The following AOAH variants were observed in gnomAD, a reference collection of about 807,000 sequenced individuals.
AOAH encodes acyloxyacyl hydrolase.
Under a neutral mutation model 92.2 loss-of-function variants are expected in AOAH, and 64 were observed. The ratio of observed to expected loss-of-function variants is 0.69; its 90% CI spans 0.57 to 0.86. The LOEUF (loss-of-function observed/expected upper bound fraction) is 0.86. Among genes scored for constraint, AOAH ranks in the 40% least tolerant of loss-of-function variants. AOAH has a pLI of 0.00. For synonymous variants in AOAH, 263 were observed against 254.5 expected (o/e 1.03, Z -0.32); for missense variants, 656 against 694.6 (o/e 0.94, Z 0.62).
chr7:36,642,934 G>A (rs1174723847), intron 4 of AOAH, among the ~76,000 whole-genome samples: 1 of 152,200 alleles, frequency 6.6e-6, no homozygotes, highest in Non-Finnish European at 1.5e-5. Context: ...TAAGCACTCT[G>A]AGCCTAGTTT....
intron 12 of AOAH, among the ~76,000 whole-genome samples, chr7:36,590,667 A>G (rs534311242): frequency 4.6e-4 from 70 of 152,336 alleles, no homozygotes; most frequent in Non-Finnish European, 4.8e-4. Context: ...CAGAAGGCTG[A>G]TCATGATGGT....
At chr7:36,575,773 C>G (rs958701830) in intron 13 of AOAH, among the ~76,000 whole-genome samples, 1 of 152,162 alleles carries the variant, frequency 6.6e-6, no homozygotes, top group Admixed American at 6.5e-5. Context: ...TTAGTTTAAA[C>G]GCTTGTTGCT....
intron 13 of AOAH, among the ~76,000 whole-genome samples, chr7:36,572,592 T>C (rs1380433290): frequency 1.3e-5 from 2 of 151,304 alleles, no homozygotes; most frequent in Non-Finnish European, 3.0e-5. Flanking sequence ...GAGTAAATAA[T>C]AATACAGTTG....
chr7:36,602,489 A>G (rs1790687815), intron 11 of AOAH, among the ~76,000 whole-genome samples: 2 of 146,432 alleles, frequency 1.4e-5, no homozygotes, highest in South Asian at 4.3e-4. Context: ...TTTTTTTTAG[A>G]TACATAAAAG....
intron 20 of AOAH, among the ~76,000 whole-genome samples, chr7:36,517,944 CCCACACACACACACA>C (rs1783900851): frequency 6.2e-5 from 2 of 32,154 alleles, no homozygotes; most frequent in East Asian, 1.1e-3. Context: ...CACACACACA[CCCACACACACACACA>C]CACACACACA....
intron 4 of AOAH, among the ~76,000 whole-genome samples, chr7:36,642,041 G>A (rs1048986355): frequency 1.3e-5 from 2 of 152,064 alleles, no homozygotes; most frequent in African/African-American, 4.8e-5. Context: ...CTGCTATTAT[G>A]GGTTGAATTT....
intron 12 of AOAH, among the ~76,000 whole-genome samples, chr7:36,577,841 T>C (rs1788632245): frequency 6.6e-6 from 1 of 152,230 alleles, no homozygotes; most frequent in Admixed American, 6.5e-5. Context: ...GTATTGTATC[T>C]TCTTTTCATT....
intron 3 of AOAH, among the ~76,000 whole-genome samples, chr7:36,662,039 C>A (rs1795244278): frequency 6.6e-6 from 1 of 152,196 alleles, no homozygotes; most frequent in South Asian, 2.1e-4. Context: ...TATCTTGTGA[C>A]CGCTACACCT....
chr7:36,686,784 C>A lies in AOAH; in HGVS notation c.138G>T (p.Leu46=). The part of the protein sequence containing the change: ...SNGHTCVGCV[L]VVSVIEQLAQ... ...CAAGCTGTTCTATTACAGACACCAC[C>A]AGCACACACCCTGCCAGGGAGGAGA... Residue 46 remains leucine, a synonymous_variant, in exon 2 of 21, where the codon CTG becomes CTT. Transcript: ENST00000617537. 1 of 1,559,636 alleles carries A rather than the reference C, an allele frequency of 6.4e-7. No homozygotes were observed. The highest frequency in any genetic ancestry group is 8.7e-7 in the Non-Finnish European group (1 of 1,151,918).
At position 36,514,642 on chromosome 7, in the gene AOAH, T is replaced by C; in HGVS notation, c.1600-1262A>G. The stretch of plus-strand genomic sequence containing the variant: ...ATGGGACCTGGCCAGGCCTGCAGAC[T>C]CCAGATGGCTCCATCTCAACAGTGG... On this transcript the variant is annotated intron_variant, in intron 20 of 20. Transcript: ENST00000617537. 3.2e-6 allele frequency: 4 copies of C among 1,248,470 alleles called. No individual in the cohort carries two copies. In the South Asian group the frequency reaches 5.1e-5, roughly 16 times the overall value. The allele number at this position is 1,248,470 out of a possible 1,614,324, so 77.3% of individuals were successfully genotyped here. A position where few individuals can be genotyped will look rare whatever the true frequency, so the allele number is the denominator to read the frequency against.
intron 13 of AOAH, among the ~76,000 whole-genome samples, chr7:36,574,320 A>C (rs1283538099): frequency 6.6e-6 from 1 of 152,234 alleles, no homozygotes; most frequent in Non-Finnish European, 1.5e-5. Flanking sequence ...GCCTTCGAGC[A>C]CATTTTGACA....
chr7:36,689,352 T>C (rs1340480783), intron 1 of AOAH, among the ~76,000 whole-genome samples: 1 of 152,190 alleles, frequency 6.6e-6, no homozygotes, highest in Non-Finnish European at 1.5e-5. Flanking sequence ...GACTGTGTAA[T>C]TTCTAATAAT....
chr7:36,529,641 G>A (rs781330875), intron 19 of AOAH, among the ~76,000 whole-genome samples: 6 of 152,114 alleles, frequency 3.9e-5, no homozygotes, highest in African/African-American at 7.2e-5. Context: ...TCCATCTTTC[G>A]CCTACACTGT....
At chr7:36,625,935 T>A (rs1223089460) in intron 6 of AOAH, among the ~76,000 whole-genome samples, 1 of 152,222 alleles carries the variant, frequency 6.6e-6, no homozygotes, top group Admixed American at 6.5e-5. Flanking sequence ...TGGTTTTCTC[T>A]CACTTTAATC....
intron 13 of AOAH, among the ~76,000 whole-genome samples, chr7:36,549,779 G>GA (rs1286275527): frequency 6.6e-6 from 1 of 151,868 alleles, no homozygotes; most frequent in Non-Finnish European, 1.5e-5. Flanking sequence ...GTAGATGTGA[G>GA]AAAAAAAGTA....
intron 1 of AOAH, among the ~76,000 whole-genome samples, chr7:36,709,936 T>C (rs7801689): frequency 0.92 from 139,481 of 152,270 alleles, 64,084 homozygotes; most frequent in East Asian, 1. Context: ...TATTGATTTC[T>C]ATTATGTATT....
intron 2 of AOAH, among the ~76,000 whole-genome samples, chr7:36,681,595 A>G (rs1051932525): frequency 5.3e-5 from 8 of 152,182 alleles, no homozygotes; most frequent in Admixed American, 2.0e-4. Context: ...ACCTGAGGTC[A>G]GGAGTTAAAG....
rs73344009 is a variant in AOAH at position 36,654,853 on chromosome 7, G to T, written c.390+4313C>A. Among the ~76,000 whole-genome samples the T allele has an allele frequency of 3.5e-4, 54 of 152,260 alleles. 1 individual carries two copies. Among genetic ancestry groups the T allele is most frequent in the African/African-American group, 1.1e-3 (47 of 41,546 alleles). On this transcript the variant is annotated intron_variant, in intron 4 of 20. Coordinates refer to ENST00000617537, the MANE Select transcript of AOAH (RefSeq NM_001637.4). ...GGACTTTTAAGAAAAACAGACCCTA[G>T]ATAAATCCTCTTGTATTCCTCACTA...
At chr7:36,573,019 C>CGTATACCTTTTTTTTCCCTTTCTTTGAA (rs1788240786) in intron 13 of AOAH, among the ~76,000 whole-genome samples, 1 of 152,206 alleles carries the variant, frequency 6.6e-6, no homozygotes, top group Non-Finnish European at 1.5e-5. Context: ...CCCCATTTTA[C>CGTATACCTTTTTTTTCCCTTTCTTTGAA]AGATGCAGAA....
Sources: allele counts gnomAD v4.1 joint callset (sites outside exome capture counted in the v4.1 genomes callset), GRCh38; gene constraint gnomAD v4.1.1; transcripts MANE v1.5; gene names NCBI Gene and HGNC (gene_info 2026-07-23, HGNC 2026-07-21).